The following PTPRJ variants were observed in gnomAD, a reference collection of about 807,000 sequenced individuals.
PTPRJ encodes the protein receptor-type tyrosine-protein phosphatase eta.
In PTPRJ, 129 loss-of-function variants were observed where a neutral mutation model predicts 141.3. The ratio of observed to expected loss-of-function variants is 0.91; its 90% confidence interval spans 0.79 to 1.06. The LOEUF (loss-of-function observed/expected upper bound fraction) is 1.06. PTPRJ is among the 50% of genes least tolerant of loss of function. The pLI is 0.00. For missense variants in PTPRJ, 1,601 were observed against 1,679.7 expected, an observed-to-expected ratio of 0.95 and a Z score of 0.82; for synonymous variants, 610 against 640.5, an observed-to-expected ratio of 0.95 and a Z score of 0.72.
At chr11:48,142,871 T>C (rs1379918547) in intron 11 of PTPRJ, 48 bp from the exon 12 acceptor site, 2 of 1,573,006 alleles carry the variant, frequency 1.3e-6, no homozygotes, top group Admixed American at 3.8e-5. Context: ...AATGTGTTGC[T>C]TTGGTTTTCA....
chr11:47,992,162 A>G (rs1053741278), intron 1 of PTPRJ, among the ~76,000 whole-genome samples: 2 of 151,550 alleles, frequency 1.3e-5, no homozygotes, highest in Non-Finnish European at 2.9e-5. Flanking sequence ...CGTTCATAGT[A>G]TAGGCCACCT....
At chr11:48,022,647 G>GTGCTT (rs557729765) in intron 1 of PTPRJ, among the ~76,000 whole-genome samples, 36 of 152,188 alleles carry the variant, frequency 2.4e-4, no homozygotes, top group Admixed American at 2.1e-3. Flanking sequence ...GACTTGCACA[G>GTGCTT]TGCTTTTCTT....
chr11:48,081,527 C>A (rs146084465), intron 1 of PTPRJ, among the ~76,000 whole-genome samples: 43 of 152,240 alleles, frequency 2.8e-4, no homozygotes, highest in African/African-American at 8.7e-4. Flanking sequence ...ATGCCCCTTT[C>A]GTCCTGAAAT....
In PTPRJ at chr11:48,137,145, A is replaced by G; in HGVS notation, c.2016A>G (p.Gln672=). ...EKAGNSSNAT[Q]VVTDIGITDA... ...CTGGAAATTCCAGCAACGCAACACA[A>G]GTAGTCACGGACATTGGAATTACTG... Residue 672 remains glutamine, a synonymous_variant, in exon 10 of 25, where the codon CAA becomes CAG. Transcript: ENST00000418331. The G allele has an allele frequency of 6.2e-7, 1 of 1,612,990 alleles. No homozygotes were observed. The highest frequency in any genetic ancestry group is 1.1e-5 in the South Asian group (1 of 91,070).
rs906041878 is a variant in PTPRJ, at chr11:48,077,588, T to G, written c.97-32470T>G. ...CTCCCCCCGACAGCCTTACGGAGCG[T>G]GCTACAGTCTTCCTGATCCAATATC... On this transcript the variant is annotated intron_variant, in intron 1 of 24. Coordinates refer to ENST00000418331, the MANE Select transcript of PTPRJ (RefSeq NM_002843.4). 2.6e-5 allele frequency among the ~76,000 whole-genome samples: 4 copies of G among 152,110 alleles called. No individual in the cohort carries two copies. In the East Asian group the frequency reaches 7.7e-4, roughly 29 times the overall value.
chr11:48,147,156 T>A (rs1210391288), intron 15 of PTPRJ, among the ~76,000 whole-genome samples, 193 bp downstream of exon 15: 1 of 152,204 alleles, frequency 6.6e-6, no homozygotes, highest in Non-Finnish European at 1.5e-5. Flanking sequence ...TGCTCCCAGC[T>A]GTCACATCAG....
At chr11:48,027,857 G>T (rs990176113) in intron 1 of PTPRJ, among the ~76,000 whole-genome samples, 2 of 149,146 alleles carry the variant, frequency 1.3e-5, no homozygotes, top group African/African-American at 2.5e-5. Flanking sequence ...CTCCAGGGAA[G>T]GCTGCAGTAT....
intron 1 of PTPRJ, among the ~76,000 whole-genome samples, chr11:47,981,761 A>G (rs774432936): frequency 1.4e-5 from 2 of 147,838 alleles, no homozygotes; most frequent in Non-Finnish European, 3.0e-5. Flanking sequence ...CCTTCCTGGC[A>G]TTTCCATAGG....
chr11:48,092,902 C>T (rs1855908126), intron 1 of PTPRJ, among the ~76,000 whole-genome samples: 1 of 152,094 alleles, frequency 6.6e-6, no homozygotes, highest in African/African-American at 2.4e-5. Flanking sequence ...GGGCAAATTG[C>T]CGTGTTGAGT....
intron 1 of PTPRJ, among the ~76,000 whole-genome samples, chr11:48,097,872 G>T (rs983848025): frequency 1.4e-4 from 22 of 151,888 alleles, no homozygotes; most frequent in African/African-American, 5.3e-4. Context: ...TTATTTCTTG[G>T]TTTTGCTGGC....
At chr11:48,147,235 C>T (rs955103136) in intron 15 of PTPRJ, among the ~76,000 whole-genome samples, 4 of 152,184 alleles carry the variant, frequency 2.6e-5, no homozygotes, top group African/African-American at 9.7e-5. Flanking sequence ...AAGTCAGTTT[C>T]ATAGTATTAT....
chr11:48,085,602 C>T (rs897349536), intron 1 of PTPRJ, among the ~76,000 whole-genome samples: 1 of 152,184 alleles, frequency 6.6e-6, no homozygotes, highest in Non-Finnish European at 1.5e-5. Context: ...GTCTCAGCCT[C>T]CCAAAGTGCT....
chr11:48,082,936 G>A (rs1855603663), intron 1 of PTPRJ, among the ~76,000 whole-genome samples: 2 of 152,162 alleles, frequency 1.3e-5, no homozygotes, highest in Non-Finnish European at 2.9e-5. Context: ...GCAAGGGGTT[G>A]CAGAAGTGAT....
In PTPRJ at chr11:48,130,705, G is replaced by T. The variant is rs1282836059; in HGVS notation, c.1604G>T (p.Cys535Phe). ...NGTEGASRTV[C>F]NRTVPSAVFD... is the part of the protein sequence containing the mutation. Reference sequence around the variant, plus strand: ...ACTGAAGGGGCATCTCGGACAGTTTGCAATAGAACTGGTAAGCAAATAGGC... The same window carrying T: ...ACTGAAGGGGCATCTCGGACAGTTTTCAATAGAACTGGTAAGCAAATAGGC... The change falls in exon 8 of 25, where the codon TGC becomes TTC. Residue 535 changes from cysteine to phenylalanine, a missense_variant. By Grantham distance (205) the Cys-to-Phe change is radical (BLOSUM62 -2). Transcript: ENST00000418331. The T allele has an allele frequency of 6.2e-7, 1 of 1,607,328 alleles. No individual in the cohort carries two copies. The highest frequency in any genetic ancestry group is 1.3e-5 in the African/African-American group (1 of 74,888).
intron 1 of PTPRJ, among the ~76,000 whole-genome samples, chr11:48,029,892 T>C (rs2134223246): frequency 6.6e-6 from 1 of 152,312 alleles, no homozygotes; most frequent in African/African-American, 2.4e-5. Context: ...TGGCCCCCAC[T>C]CCCTTCCATG....
intron 1 of PTPRJ, among the ~76,000 whole-genome samples, chr11:48,062,194 C>G (rs1328583473): frequency 6.6e-6 from 1 of 151,568 alleles, no homozygotes; most frequent in Non-Finnish European, 1.5e-5. Flanking sequence ...CTACCATGCC[C>G]GGCCAAACTT....
At chr11:48,010,727 G>T (rs527647075) in intron 1 of PTPRJ, among the ~76,000 whole-genome samples, 1 of 151,668 alleles carries the variant, frequency 6.6e-6, no homozygotes, top group East Asian at 1.9e-4. Context: ...GTAGAGATGA[G>T]GTTTCATCAT....
intron 1 of PTPRJ, among the ~76,000 whole-genome samples, chr11:48,052,028 C>T (rs1237568139): frequency 3.3e-5 from 5 of 152,122 alleles, no homozygotes; most frequent in South Asian, 2.1e-4. Context: ...ATGATGATGG[C>T]GATGGTGCTT....
At chr11:48,090,522 G>A (rs1239313650) in intron 1 of PTPRJ, among the ~76,000 whole-genome samples, 3 of 152,168 alleles carry the variant, frequency 2.0e-5, no homozygotes, top group African/African-American at 7.2e-5. Flanking sequence ...CCGTGCAGCA[G>A]GATGGCACCT....
Sources: allele counts gnomAD v4.1 joint callset (sites outside exome capture counted in the v4.1 genomes callset), GRCh38; gene constraint gnomAD v4.1.1; transcripts MANE v1.5; gene names NCBI Gene and HGNC (gene_info 2026-07-23, HGNC 2026-07-21).